The following SPECC1 variants were observed in gnomAD, a reference collection of about 807,000 sequenced individuals.
SPECC1 encodes the protein sperm antigen with calponin homology and coiled-coil domains 1.
SPECC1 carries 62 observed loss-of-function variants against 104.1 expected under a neutral mutation model. The observed-to-expected ratio is 0.60, with a 90% CI of 0.49 to 0.74. The LOEUF (loss-of-function observed/expected upper bound fraction) is 0.74, where lower values mean the gene tolerates loss of function less well. Ranked by LOEUF, SPECC1 falls within the 30% of genes least tolerant of loss-of-function variation. The pLI, the probability that SPECC1 is intolerant of heterozygous loss-of-function variation, is 0.00. For missense variants in SPECC1, 1,306 were observed against 1,310.5 expected, an observed-to-expected ratio of 1.00 and a Z score of 0.05; for synonymous variants, 513 against 501.6, an observed-to-expected ratio of 1.02 and a Z score of -0.30.
chr17:20,105,659 T>C (rs531802655), intron 2 of SPECC1, among the ~76,000 whole-genome samples: 107 of 152,352 alleles, frequency 7.0e-4, no homozygotes, highest in African/African-American at 2.5e-3. Context: ...TCACTGCTAC[T>C]GCTTCACCCC....
chr17:20,017,313 A>T (rs879456452), intron 1 of SPECC1: 2 of 152,386 alleles, frequency 1.3e-5, no homozygotes, highest in Admixed American at 6.6e-5. Context: ...CCACGAACTC[A>T]CCAGGAGGAA....
intron 11 of SPECC1, among the ~76,000 whole-genome samples, chr17:20,258,690 CT>C (rs1567587646): frequency 6.6e-6 from 1 of 152,234 alleles, no homozygotes; most frequent in South Asian, 2.1e-4. Context: ...GATTGCAAGT[CT>C]TTATGTATAA....
intron 1 of SPECC1, among the ~76,000 whole-genome samples, chr17:20,046,284 CA>C (rs2045536336): frequency 6.6e-6 from 1 of 152,022 alleles, no homozygotes; most frequent in East Asian, 1.9e-4. Flanking sequence ...ATTATTTTTA[CA>C]TTATTAATTT....
chr17:20,107,165 A>AAAAAAAAAAAAAAAAAAAC (rs2048258530), intron 2 of SPECC1, among the ~76,000 whole-genome samples: 1 of 148,706 alleles, frequency 6.7e-6, no homozygotes, highest in Non-Finnish European at 1.5e-5. Flanking sequence ...AAAAAAAAAA[A>AAAAAAAAAAAAAAAAAAAC]AAAAGAAAAG....
At chr17:20,174,837 C>T (rs2034354622) in intron 3 of SPECC1, among the ~76,000 whole-genome samples, 3 of 152,138 alleles carry the variant, frequency 2.0e-5, no homozygotes, top group Admixed American at 6.5e-5. Context: ...TCTTCCGCTC[C>T]TTGCCGACCT....
At chr17:20,093,526 A>C (rs756336935) in intron 1 of SPECC1, among the ~76,000 whole-genome samples, 1 of 152,098 alleles carries the variant, frequency 6.6e-6, no homozygotes, top group Non-Finnish European at 1.5e-5. Flanking sequence ...ATTTATGTAA[A>C]TGAACTGGCT....
chr17:20,046,139 T>G (rs1047134359), intron 1 of SPECC1, among the ~76,000 whole-genome samples: 1 of 152,134 alleles, frequency 6.6e-6, no homozygotes, highest in Non-Finnish European at 1.5e-5. Flanking sequence ...AGAGACAGTT[T>G]CTTGCCGTGT....
chr17:20,197,663 G>A (rs2036127534), intron 3 of SPECC1, among the ~76,000 whole-genome samples: 1 of 152,144 alleles, frequency 6.6e-6, no homozygotes, highest in South Asian at 2.1e-4. Flanking sequence ...TGGTTACAAG[G>A]TCAAGCTCCC....
At chr17:20,257,673 C>T (rs1429691456) in intron 11 of SPECC1, 66 bp downstream of exon 11, 4 of 1,578,286 alleles carry the variant, frequency 2.5e-6, no homozygotes, top group South Asian at 2.3e-5. Flanking sequence ...TTCTTCCTTC[C>T]GTTTTGTCCC....
intron 14 of SPECC1, among the ~76,000 whole-genome samples, chr17:20,309,167 C>G (rs1164346054): frequency 1.3e-5 from 2 of 152,094 alleles, no homozygotes; most frequent in Admixed American, 6.6e-5. Context: ...ATAGAAATTT[C>G]CTACATTCTT....
chr17:20,202,368 A>G (rs2036489370), intron 3 of SPECC1, among the ~76,000 whole-genome samples: 1 of 152,150 alleles, frequency 6.6e-6, no homozygotes, highest in Admixed American at 6.5e-5. Flanking sequence ...TGTTTAGTGC[A>G]GTACCACAAA....
intron 7 of SPECC1, among the ~76,000 whole-genome samples, chr17:20,234,029 C>G (rs1958951972): frequency 6.6e-6 from 1 of 152,096 alleles, no homozygotes; most frequent in South Asian, 2.1e-4. Context: ...TATGAGATGC[C>G]ATGTTTCTTA....
In SPECC1 at chr17:20,204,736, T is replaced by G. The variant is rs775190686; in HGVS notation, c.687T>G (p.Leu229=). The G allele has an allele frequency of 5.6e-6, 9 of 1,613,930 alleles. No homozygotes were observed. Among genetic ancestry groups the G allele is most frequent in the Non-Finnish European group, 7.6e-6 (9 of 1,180,010 alleles). ...PGDTEPMIRA[L]EEKNKNFQKE... ...ACACGGAACCTATGATAAGAGCTCT[T>G]GAGGAGAAGAACAAGAACTTTCAGA... The change falls in exon 4 of 15, where the codon CTT becomes CTG. Residue 229 remains leucine (L), a synonymous_variant. Transcript: ENST00000395527.
At chr17:20,300,145 C>T (rs2041519207) in intron 13 of SPECC1, among the ~76,000 whole-genome samples, 1 of 152,202 alleles carries the variant, frequency 6.6e-6, no homozygotes, top group Non-Finnish European at 1.5e-5. Context: ...GGAGAGCACC[C>T]AGTCCCTTGG....
chr17:20,047,353 G>A (rs762695776), intron 1 of SPECC1, among the ~76,000 whole-genome samples: 14 of 152,056 alleles, frequency 9.2e-5, no homozygotes, highest in Non-Finnish European at 1.6e-4. Flanking sequence ...GCCTTTTTCC[G>A]CATTATGGGT....
intron 1 of SPECC1, among the ~76,000 whole-genome samples, chr17:20,095,393 C>T (rs2047597533): frequency 6.6e-6 from 1 of 152,238 alleles, no homozygotes; most frequent in African/African-American, 2.4e-5. Context: ...AGTGTTTCCA[C>T]TGGTAGCAGC....
intron 13 of SPECC1, among the ~76,000 whole-genome samples, chr17:20,298,224 C>A (rs1011193141): frequency 6.6e-6 from 1 of 152,076 alleles, no homozygotes; most frequent in African/African-American, 2.4e-5. Context: ...TGGTGGTGCA[C>A]ACCTGTAATC....
intron 4 of SPECC1, among the ~76,000 whole-genome samples, chr17:20,218,429 G>T (rs1598007864): frequency 6.6e-6 from 1 of 152,290 alleles, no homozygotes; most frequent in East Asian, 1.9e-4. Flanking sequence ...CATTTAAGCA[G>T]CTTTCAAGCT....
At chr17:20,182,632 T>TA (rs545256830) in intron 3 of SPECC1, among the ~76,000 whole-genome samples, 270 of 152,306 alleles carry the variant, frequency 1.8e-3, no homozygotes, top group Middle Eastern at 6.8e-3. Flanking sequence ...AGAATGTTTT[T>TA]AAAAAAACTG....
Sources: allele counts gnomAD v4.1 joint callset (sites outside exome capture counted in the v4.1 genomes callset), GRCh38; gene constraint gnomAD v4.1.1; transcripts MANE v1.5; gene names NCBI Gene and HGNC (gene_info 2026-07-23, HGNC 2026-07-21).